The following RNF121 variants were observed in gnomAD, a reference collection of about 807,000 sequenced individuals.
The protein encoded by RNF121 is ring finger protein 121.
In RNF121, 21 loss-of-function variants were observed where a neutral mutation model predicts 46.5. The observed-to-expected ratio is 0.45, with a 90% confidence interval of 0.32 to 0.65. The LOEUF (loss-of-function observed/expected upper bound fraction) is 0.65. RNF121 is among the 30% of genes least tolerant of loss of function. The pLI, the probability that RNF121 is intolerant of heterozygous loss-of-function variation, is 0.04. For synonymous variants in RNF121, 139 were observed against 144.7 expected, an observed-to-expected ratio of 0.96 and a Z score of 0.28; for missense variants, 346 against 416.0, an observed-to-expected ratio of 0.83 and a Z score of 1.46.
chr11:71,932,685 C>A (rs1369776102), intron 1 of RNF121, among the ~76,000 whole-genome samples: 1 of 152,188 alleles, frequency 6.6e-6, no homozygotes, highest in Non-Finnish European at 1.5e-5. Flanking sequence ...AGTGGTGTCA[C>A]AAAGATTTAA....
At chr11:71,969,721 G>A (rs1213838689) in intron 3 of RNF121, among the ~76,000 whole-genome samples, 1 of 152,020 alleles carries the variant, frequency 6.6e-6, no homozygotes, top group East Asian at 1.9e-4. Context: ...CACCACCCTT[G>A]CCTGGCTAAT....
intron 1 of RNF121, among the ~76,000 whole-genome samples, chr11:71,956,950 T>G (rs1326922639): frequency 6.6e-6 from 1 of 152,230 alleles, no homozygotes; most frequent in Non-Finnish European, 1.5e-5. Flanking sequence ...TTCTCACTAG[T>G]CTGTGAGCGT....
chr11:71,936,645 C>T (rs1252040462), intron 1 of RNF121, among the ~76,000 whole-genome samples: 5 of 152,250 alleles, frequency 3.3e-5, no homozygotes, highest in African/African-American at 9.6e-5. Context: ...CCACCCGCCT[C>T]GGCCTCCCAA....
chr11:71,992,295 A>C (rs1954880061), intron 6 of RNF121, among the ~76,000 whole-genome samples: 1 of 152,230 alleles, frequency 6.6e-6, no homozygotes, highest in African/African-American at 2.4e-5. Context: ...AACAACAGCC[A>C]CTGTCACTTA....
chr11:71,985,468 C>T (rs1040035041), intron 4 of RNF121, among the ~76,000 whole-genome samples: 2 of 152,260 alleles, frequency 1.3e-5, no homozygotes, highest in African/African-American at 2.4e-5. Flanking sequence ...TCCTTTTCAC[C>T]GTGTCTCTCT....
At chr11:71,976,432 G>A (rs949978168) in intron 3 of RNF121, among the ~76,000 whole-genome samples, 2 of 145,984 alleles carry the variant, frequency 1.4e-5, no homozygotes, top group African/African-American at 5.1e-5. Context: ...CTCGGCTCAC[G>A]GCAACCTCCG....
intron 1 of RNF121, among the ~76,000 whole-genome samples, chr11:71,950,021 A>G (rs1953831295): frequency 6.6e-6 from 1 of 151,836 alleles, no homozygotes; most frequent in South Asian, 2.1e-4. Flanking sequence ...CAGAACACAC[A>G]CACACACACA....
At chr11:71,932,302 C>A (rs1953293003) in intron 1 of RNF121, among the ~76,000 whole-genome samples, 1 of 152,164 alleles carries the variant, frequency 6.6e-6, no homozygotes, top group Admixed American at 6.5e-5. Context: ...GGAGTTAACC[C>A]CATTTTATAA....
At chr11:71,962,393 A>G in intron 3 of RNF121, 1 of 640,640 alleles carries the variant, frequency 1.6e-6, no homozygotes, top group South Asian at 7.0e-5. Context: ...TCAATCTGGG[A>G]AACAGTTAAG....
At chr11:71,972,078 C>T (rs1954432737) in intron 3 of RNF121, among the ~76,000 whole-genome samples, 1 of 152,108 alleles carries the variant, frequency 6.6e-6, no homozygotes, top group Non-Finnish European at 1.5e-5. Flanking sequence ...CCTGTAGGAA[C>T]TTGGGAGGAC....
chr11:71,934,560 TA>T (rs1199557033), intron 1 of RNF121, among the ~76,000 whole-genome samples: 6 of 152,242 alleles, frequency 3.9e-5, no homozygotes, highest in African/African-American at 1.4e-4. Context: ...AGACATTTAG[TA>T]AATGTTCCTT....
At chr11:71,981,312 A>G (rs1373252684) in intron 3 of RNF121, among the ~76,000 whole-genome samples, 1 of 152,164 alleles carries the variant, frequency 6.6e-6, no homozygotes, top group East Asian at 1.9e-4. Flanking sequence ...AGCCTCCCAA[A>G]GTGCTGGGAT....
chr11:71,936,139 G>A (rs1953404029), intron 1 of RNF121, among the ~76,000 whole-genome samples: 1 of 152,024 alleles, frequency 6.6e-6, no homozygotes, highest in South Asian at 2.1e-4. Context: ...GAGATTATAG[G>A]CGTAAACTGC....
chr11:71,973,897 A>T (rs1218386213), intron 3 of RNF121, among the ~76,000 whole-genome samples: 1 of 152,148 alleles, frequency 6.6e-6, no homozygotes, highest in African/African-American at 2.4e-5. Flanking sequence ...TAAAACAGAA[A>T]ATTTTGAAAA....
intron 4 of RNF121, chr11:71,983,599 C>T (rs4945392): frequency 0.92 from 140,188 of 152,298 alleles, 64,825 homozygotes; most frequent in Non-Finnish European, 0.98. Context: ...TTAATATCTG[C>T]ACTCAACAGA....
chr11:71,944,194 G>A (rs765039735), intron 1 of RNF121, among the ~76,000 whole-genome samples: 6 of 152,188 alleles, frequency 3.9e-5, no homozygotes, highest in East Asian at 1.9e-4. Flanking sequence ...TTAGCCAGGC[G>A]TGGTGGCATG....
chr11:71,931,320 A>G (rs918068118), intron 1 of RNF121, among the ~76,000 whole-genome samples: 1 of 152,174 alleles, frequency 6.6e-6, no homozygotes, highest in African/African-American at 2.4e-5. Flanking sequence ...ATTTCCTGAG[A>G]AAAGGTATAA....
chr11:71,997,328 A>G lies in RNF121; in HGVS notation c.*1013A>G, dbSNP rs943101893. 4 of 152,140 alleles carry G rather than the reference A, an allele frequency of 2.6e-5. No individual in the cohort carries two copies. The highest frequency in any genetic ancestry group is 5.9e-5 in the Non-Finnish European group (4 of 68,032). The allele number at this position is 152,140 out of a possible 1,614,324, so 9.4% of individuals were successfully genotyped here. ...TTCCCAGTCCAGGGAATATCCCTACATGATTTTTGTCATTCATGGGTCCTC... is the reference window on the plus strand; with the variant it reads ...TTCCCAGTCCAGGGAATATCCCTACGTGATTTTTGTCATTCATGGGTCCTC... On this transcript the variant is annotated 3_prime_UTR_variant, in exon 9 of 9. Coordinates refer to ENST00000361756, the MANE Select transcript of RNF121 (RefSeq NM_018320.5).
At chr11:71,960,690 A>G in intron 2 of RNF121, 60 bp from the exon 3 acceptor site, 1 of 1,571,538 alleles carries the variant, frequency 6.4e-7, no homozygotes. Context: ...CCTGGAAAGC[A>G]CTGTCCCTTT....
Sources: allele counts gnomAD v4.1 joint callset (sites outside exome capture counted in the v4.1 genomes callset), GRCh38; gene constraint gnomAD v4.1.1; transcripts MANE v1.5; gene names NCBI Gene and HGNC (gene_info 2026-07-23, HGNC 2026-07-21).